Variants in ZDHHC17 observed in about 807,000 individuals in gnomAD.
ZDHHC17 encodes zDHHC palmitoyltransferase 17.
In ZDHHC17, 40 loss-of-function variants were observed where a neutral mutation model predicts 90.3. The ratio of observed to expected loss-of-function variants is 0.44; its 90% CI spans 0.34 to 0.58. The LOEUF is 0.58. Ranked by LOEUF, ZDHHC17 falls within the 20% of genes least tolerant of loss-of-function variation. The pLI is 0.01. For missense variants in ZDHHC17, 614 were observed against 780.8 expected, an observed-to-expected ratio of 0.79 and a Z score of 2.55; for synonymous variants, 235 against 252.4, an observed-to-expected ratio of 0.93 and a Z score of 0.65.
At chr12:76,814,103 T>C (rs1047387703) in intron 5 of ZDHHC17, among the ~76,000 whole-genome samples, 4 of 151,988 alleles carry the variant, frequency 2.6e-5, no homozygotes, top group Admixed American at 6.6e-5. Context: ...ATTTCAGGCA[T>C]AGAGGATAAT....
intron 1 of ZDHHC17, among the ~76,000 whole-genome samples, chr12:76,784,588 G>A (rs1952664633): frequency 6.6e-6 from 1 of 152,176 alleles, no homozygotes; most frequent in African/African-American, 2.4e-5. Context: ...AAGATTAACA[G>A]CAGAAACAGT....
chr12:76,820,138 G>A (rs370101070), intron 7 of ZDHHC17, among the ~76,000 whole-genome samples: 2 of 152,178 alleles, frequency 1.3e-5, no homozygotes, highest in East Asian at 3.9e-4. Context: ...GGTTGGAGGA[G>A]GTGTGGGTCC....
At chr12:76,839,631 A>G (rs1055163086) in intron 10 of ZDHHC17, among the ~76,000 whole-genome samples, 2 of 148,600 alleles carry the variant, frequency 1.3e-5, no homozygotes, top group East Asian at 3.8e-4. Flanking sequence ...TGATTCTATA[A>G]ACATTTAAGT....
chr12:76,832,224 A>G (rs1015533124), intron 10 of ZDHHC17, among the ~76,000 whole-genome samples: 2 of 152,224 alleles, frequency 1.3e-5, no homozygotes, highest in African/African-American at 4.8e-5. Flanking sequence ...AATAGCCACA[A>G]GGCTTATAAT....
chr12:76,819,937 G>A (rs1467507268), intron 7 of ZDHHC17, among the ~76,000 whole-genome samples: 1 of 150,874 alleles, frequency 6.6e-6, no homozygotes, highest in East Asian at 2.0e-4. Flanking sequence ...AGGTTGCAGT[G>A]AGCCAAGATC....
intron 4 of ZDHHC17, 60 bp from the exon 5 acceptor site, chr12:76,809,653 C>G: frequency 7.6e-7 from 1 of 1,319,906 alleles, no homozygotes; most frequent in Non-Finnish European, 9.8e-7. Context: ...AAAGCTCTTC[C>G]CAGAGGATCC....
chr12:76,799,319 T>A (rs1289625264), intron 2 of ZDHHC17, among the ~76,000 whole-genome samples: 1 of 152,216 alleles, frequency 6.6e-6, no homozygotes, highest in East Asian at 1.9e-4. Context: ...CAATATTTTT[T>A]ATTTGTTTTG....
chr12:76,829,872 AG>A (rs1031558510), intron 10 of ZDHHC17, among the ~76,000 whole-genome samples: 3 of 152,160 alleles, frequency 2.0e-5, no homozygotes, highest in Non-Finnish European at 2.9e-5. Context: ...CCTGTTCCCC[AG>A]GTTGGAGTGC....
At chr12:76,774,333 TACAC>T (rs146148501) in intron 1 of ZDHHC17, among the ~76,000 whole-genome samples, 1,683 of 149,140 alleles carry the variant, frequency 0.011, 11 homozygotes, top group Non-Finnish European at 0.017. Flanking sequence ...TATATATACA[TACAC>T]ACACACACAC....
At position 76,852,937 on chromosome 12, in the gene ZDHHC17, T is replaced by A. The variant is rs1426325550; in HGVS notation, c.*1952T>A. Reference sequence around the variant, plus strand: ...AAATTCAAAGTTATTTATAAAATGCTAGAATTTGTTTTAATTTTTTGTATT... The same window carrying A: ...AAATTCAAAGTTATTTATAAAATGCAAGAATTTGTTTTAATTTTTTGTATT... On this transcript the variant is annotated 3_prime_UTR_variant, in exon 17 of 17. Coordinates refer to ENST00000426126, the MANE Select transcript of ZDHHC17 (RefSeq NM_015336.4). 1 of 152,626 alleles carries A rather than the reference T, an allele frequency of 6.6e-6. No homozygotes were observed. The highest frequency in any genetic ancestry group is 1.5e-5 in the Non-Finnish European group (1 of 68,022). 9.5% of individuals were successfully genotyped at this position (152,626 alleles called of 1,614,324 possible).
intron 5 of ZDHHC17, among the ~76,000 whole-genome samples, chr12:76,811,535 G>A (rs1013004650): frequency 6.6e-6 from 1 of 151,862 alleles, no homozygotes; most frequent in African/African-American, 2.4e-5. Context: ...TCAAAGGGCA[G>A]GATTTCTACC....
chr12:76,770,465 A>G (rs1952479095), intron 1 of ZDHHC17, among the ~76,000 whole-genome samples: 1 of 152,240 alleles, frequency 6.6e-6, no homozygotes, highest in Admixed American at 6.5e-5. Flanking sequence ...ACAAAATAAC[A>G]CATTGTAAAA....
At position 76,849,371 on chromosome 12, in the gene ZDHHC17, CT is replaced by C; in HGVS notation, c.1666-3del. 8.2e-7 allele frequency: 1 copy of C among 1,220,800 alleles called. No homozygotes were observed. The highest frequency in any genetic ancestry group is 1.1e-6 in the Non-Finnish European group (1 of 883,414). 75.6% of individuals were successfully genotyped at this position (1,220,800 alleles called of 1,614,324 possible). A position where few individuals can be genotyped will look rare whatever the true frequency, so the allele number is the denominator to read the frequency against. The stretch of plus-strand genomic sequence containing the variant: ...AATAATGGTTTGCTTTTTCTTTCCT[CT>C]TAGATATCATGTTTAGGTATTACTA... On this transcript the variant is annotated splice_region_variant and splice_polypyrimidine_tract_variant and intron_variant, in intron 15 of 16. Transcript: ENST00000426126.
chr12:76,779,455 G>A (rs1230795568), intron 1 of ZDHHC17, among the ~76,000 whole-genome samples: 3 of 152,038 alleles, frequency 2.0e-5, no homozygotes, highest in African/African-American at 7.3e-5. Flanking sequence ...TGTGTGCAGG[G>A]GAACTCCCAT....
chr12:76,843,473 C>CTT (rs969977187), intron 12 of ZDHHC17, among the ~76,000 whole-genome samples: 2 of 151,640 alleles, frequency 1.3e-5, no homozygotes, highest in African/African-American at 4.8e-5. Flanking sequence ...ACTTTGAACA[C>CTT]TGTTTTATCA....
At chr12:76,778,032 G>A (rs1952578750) in intron 1 of ZDHHC17, among the ~76,000 whole-genome samples, 1 of 152,142 alleles carries the variant, frequency 6.6e-6, no homozygotes, top group African/African-American at 2.4e-5. Flanking sequence ...GCTTTCCTGT[G>A]GTGGTTGTGG....
At chr12:76,791,478 T>C (rs1393002878) in intron 1 of ZDHHC17, among the ~76,000 whole-genome samples, 1 of 152,196 alleles carries the variant, frequency 6.6e-6, no homozygotes, top group Admixed American at 6.5e-5. Flanking sequence ...AGGAGCTTTA[T>C]ACGTATGCTT....
At chr12:76,821,917 A>G (rs996030942) in intron 7 of ZDHHC17, among the ~76,000 whole-genome samples, 3 of 152,154 alleles carry the variant, frequency 2.0e-5, no homozygotes, top group East Asian at 3.9e-4. Context: ...ATAAATCAAG[A>G]ATGCCAGTAC....
At chr12:76,781,683 T>C (rs1216106286) in intron 1 of ZDHHC17, 1 of 455,962 alleles carries the variant, frequency 2.2e-6, no homozygotes, top group African/African-American at 2.0e-5. Flanking sequence ...CCTTCAGAAC[T>C]GTAAGAAATA....
Sources: gnomAD v4.1 joint callset for allele counts (sites outside exome capture counted in the v4.1 genomes callset) on GRCh38, gnomAD v4.1.1 for gene constraint, MANE v1.5 for transcripts, NCBI Gene and HGNC (gene_info 2026-07-23, HGNC 2026-07-21) for gene names.